CATSPER3: variants seen among roughly 807,000 people sequenced by gnomAD.
The protein encoded by CATSPER3 is cation channel sperm-associated protein 3.
Under a neutral mutation model 36.6 loss-of-function variants are expected in CATSPER3, and 23 were observed. The observed-to-expected ratio is 0.63, with a 90% CI of 0.45 to 0.89. The LOEUF (loss-of-function observed/expected upper bound fraction) is 0.89, where lower values mean the gene tolerates loss of function less well. CATSPER3 is among the 40% of genes least tolerant of loss of function. The pLI, the probability that CATSPER3 is intolerant of heterozygous loss-of-function variation, is 0.00. For synonymous variants in CATSPER3, 172 were observed against 184.1 expected, an observed-to-expected ratio of 0.93 and a Z score of 0.53; for missense variants, 474 against 503.9, an observed-to-expected ratio of 0.94 and a Z score of 0.57.
At chr5:134,982,792 G>A (rs757377003) in intron 2 of CATSPER3, among the ~76,000 whole-genome samples, 41 of 152,116 alleles carry the variant, frequency 2.7e-4, no homozygotes, top group Non-Finnish European at 8.8e-5. Context: ...AAATACAAAA[G>A]CTAGTGTTAT....
In CATSPER3 at chr5:134,996,421, T is replaced by A. The variant is rs144212034; in HGVS notation, c.401T>A (p.Leu134His). 1 of 1,614,158 alleles carries A rather than the reference T, an allele frequency of 6.2e-7. No individual in the cohort carries two copies. The highest frequency in any genetic ancestry group is 8.5e-7 in the Non-Finnish European group (1 of 1,179,944). Reference protein sequence around the residue: ...VMFLPYALRQLMGKQFTYLYI... With the variant: ...VMFLPYALRQHMGKQFTYLYI... The stretch of plus-strand genomic sequence containing the variant: ...TTTTTACCCTATGCCCTCCGCCAGC[T>A]CATGGGCAAACAGTTCACTTACCTG... The change falls in exon 3 of 8, where the codon CTC (leucine) becomes CAC (histidine). Residue 134 changes from leucine to histidine, a missense_variant. Transcript: ENST00000282611.
At chr5:134,980,918 A>G (rs115735518) in intron 2 of CATSPER3, among the ~76,000 whole-genome samples, 2,117 of 152,042 alleles carry the variant, frequency 0.014, 36 homozygotes, top group African/African-American at 0.049. Flanking sequence ...TTGTAGATAC[A>G]GTATCTCACT....
chr5:135,008,559 G>A (rs1270664456), intron 4 of CATSPER3, among the ~76,000 whole-genome samples: 1 of 152,180 alleles, frequency 6.6e-6, no homozygotes, highest in Admixed American at 6.5e-5. Flanking sequence ...CTTTTTAAAG[G>A]TGGGCCTGGC....
At chr5:134,973,209 G>A (rs998893883) in intron 2 of CATSPER3, among the ~76,000 whole-genome samples, 1 of 152,150 alleles carries the variant, frequency 6.6e-6, no homozygotes, top group Admixed American at 6.5e-5. Flanking sequence ...TAAATATGTA[G>A]TTATTTGTAG....
intron 2 of CATSPER3, among the ~76,000 whole-genome samples, chr5:134,990,939 A>C (rs1751871699): frequency 6.6e-6 from 1 of 152,232 alleles, no homozygotes; most frequent in Non-Finnish European, 1.5e-5. Flanking sequence ...AAAATCAATT[A>C]TATTTCTCTT....
At chr5:134,972,293 A>G (rs1332084248) in intron 2 of CATSPER3, among the ~76,000 whole-genome samples, 1 of 152,182 alleles carries the variant, frequency 6.6e-6, no homozygotes, top group Non-Finnish European at 1.5e-5. Flanking sequence ...AATCCAAAAC[A>G]CTTCTGTTCC....
At chr5:134,989,092 C>CT (rs1751849084) in intron 2 of CATSPER3, among the ~76,000 whole-genome samples, 1 of 152,094 alleles carries the variant, frequency 6.6e-6, no homozygotes, top group African/African-American at 2.4e-5. Context: ...TGAAAGGAAT[C>CT]TTTTTTTCTG....
chr5:134,972,939 A>G lies in CATSPER3; in HGVS notation c.252+2847A>G, dbSNP rs528912846. 5.9e-5 allele frequency among the ~76,000 whole-genome samples: 9 copies of G among 152,354 alleles called. No homozygotes were observed. The South Asian group carries it at 1.0e-3, about 18-fold the overall frequency. On this transcript the variant is annotated intron_variant, in intron 2 of 7. Transcript: ENST00000282611. ...ATAAGAAGATAATCACTTATCATCA[A>G]ACTTTGCTATGGTAATATGTTATGC...
At chr5:134,973,444 G>A (rs920635208) in intron 2 of CATSPER3, among the ~76,000 whole-genome samples, 10 of 152,178 alleles carry the variant, frequency 6.6e-5, no homozygotes, top group Non-Finnish European at 1.2e-4. Flanking sequence ...GTAATTATGG[G>A]ACAGTTTATT....
intron 2 of CATSPER3, among the ~76,000 whole-genome samples, chr5:134,986,877 A>C (rs1751818415): frequency 6.6e-6 from 1 of 152,266 alleles, no homozygotes; most frequent in Non-Finnish European, 1.5e-5. Flanking sequence ...AGCAGTGCTC[A>C]GAGGGAAATT....
intron 2 of CATSPER3, among the ~76,000 whole-genome samples, chr5:134,992,430 A>C (rs1183463628): frequency 6.6e-6 from 1 of 152,216 alleles, no homozygotes; most frequent in East Asian, 1.9e-4. Flanking sequence ...TTATTAAAAA[A>C]AACAAAAAAT....
intron 2 of CATSPER3, among the ~76,000 whole-genome samples, chr5:134,977,454 G>A (rs1219550170): frequency 6.6e-6 from 1 of 152,092 alleles, no homozygotes; most frequent in Non-Finnish European, 1.5e-5. Flanking sequence ...GGATAACAAG[G>A]GTGACCTTTA....
At chr5:134,973,236 G>A (rs1751627362) in intron 2 of CATSPER3, among the ~76,000 whole-genome samples, 1 of 152,128 alleles carries the variant, frequency 6.6e-6, no homozygotes, top group African/African-American at 2.4e-5. Context: ...TATTAATTGT[G>A]GTTTAGCAGA....
intron 2 of CATSPER3, 75 bp downstream of exon 2, chr5:134,970,167 T>G: frequency 1.3e-6 from 2 of 1,487,418 alleles, no homozygotes; most frequent in Non-Finnish European, 1.9e-6. Flanking sequence ...ATAAGATTTT[T>G]TTTTTTTTCC....
At chr5:134,988,116 G>A (rs1351163889) in intron 2 of CATSPER3, among the ~76,000 whole-genome samples, 2 of 152,148 alleles carry the variant, frequency 1.3e-5, no homozygotes, top group Non-Finnish European at 2.9e-5. Context: ...ACATTATACT[G>A]TAGTCTGTTA....
intron 2 of CATSPER3, among the ~76,000 whole-genome samples, chr5:134,973,426 G>A (rs12656013): frequency 0.12 from 17,629 of 152,132 alleles, 1,291 homozygotes; most frequent in East Asian, 0.26. Context: ...ACAGGATAAG[G>A]CAATTGAGTA....
intron 3 of CATSPER3, among the ~76,000 whole-genome samples, chr5:135,007,616 C>T (rs1238275084): frequency 1.3e-5 from 2 of 152,220 alleles, no homozygotes; most frequent in Non-Finnish European, 2.9e-5. Context: ...GAAGCAAAAG[C>T]AGGACGCCCT....
In CATSPER3 at chr5:135,009,375, C is replaced by G; in HGVS notation, c.821C>G (p.Ser274Cys). Residue 274 changes from serine to cysteine, a missense_variant, in exon 6 of 8, where the codon TCC (serine) becomes TGC (cysteine). Ser to Cys is a moderately radical substitution (Grantham distance 112, BLOSUM62 -1). Transcript: ENST00000282611. ...VGVMIMHTED[S>C]IRKFERELML... Reference sequence around the variant, plus strand: ...CTCCATCGTCTGACTCTCTAGGACTCCATCAGAAAGTTTGAGCGAGAGCTG... The same window carrying G: ...CTCCATCGTCTGACTCTCTAGGACTGCATCAGAAAGTTTGAGCGAGAGCTG... 1 of 1,613,218 alleles carries G rather than the reference C, an allele frequency of 6.2e-7. No homozygotes were observed. Among genetic ancestry groups the G allele is most frequent in the East Asian group, 2.2e-5 (1 of 44,882 alleles).
intron 3 of CATSPER3, among the ~76,000 whole-genome samples, chr5:134,998,241 A>T (rs1161031207): frequency 1.3e-5 from 2 of 152,240 alleles, no homozygotes; most frequent in African/African-American, 4.8e-5. Context: ...CCTACAAACG[A>T]CATGAACTCA....
Sources: allele counts gnomAD v4.1 joint callset (sites outside exome capture counted in the v4.1 genomes callset), GRCh38; gene constraint gnomAD v4.1.1; transcripts MANE v1.5; gene names NCBI Gene and HGNC (gene_info 2026-07-23, HGNC 2026-07-21).